Variants in MACROD2 observed in about 807,000 individuals in gnomAD.
The protein encoded by MACROD2 is mono-ADP ribosylhydrolase 2.
Under a neutral mutation model 70.4 loss-of-function variants are expected in MACROD2, and 36 were observed. The observed-to-expected ratio is 0.51, with a 90% CI of 0.39 to 0.68. The LOEUF is 0.68. Ranked by LOEUF, MACROD2 falls within the 30% of genes least tolerant of loss-of-function variation. The pLI is 0.00. For synonymous variants in MACROD2, 172 were observed against 178.8 expected, an observed-to-expected ratio of 0.96 and a Z score of 0.30; for missense variants, 496 against 538.4, an observed-to-expected ratio of 0.92 and a Z score of 0.78.
chr20:14,815,089 T>TGAGAGAG (rs1181962153), intron 5 of MACROD2, among the ~76,000 whole-genome samples: 2 of 151,854 alleles, frequency 1.3e-5, no homozygotes, highest in African/African-American at 4.8e-5. Context: ...GGCCTCAAGG[T>TGAGAGAG]GAGAGAGGAA....
In MACROD2 at chr20:15,850,521, C is replaced by T. The variant is rs575166864; in HGVS notation, c.646-12224C>T. 8.5e-5 allele frequency among the ~76,000 whole-genome samples: 13 copies of T among 152,304 alleles called. No homozygotes were observed. The South Asian group carries it at 2.1e-3, about 24-fold the overall frequency. On this transcript the variant is annotated intron_variant, in intron 8 of 17. Transcript: ENST00000684519. ...GCCACACCTCCAGACTGTGTGGGCC[C>T]GCTTATCTTTTATGGATTTGCTAAC...
intron 6 of MACROD2, among the ~76,000 whole-genome samples, chr20:15,243,269 C>T (rs558080503): frequency 3.3e-5 from 5 of 152,264 alleles, no homozygotes; most frequent in African/African-American, 1.2e-4. Flanking sequence ...TGAGCATGAT[C>T]CTGCTCCAAT....
chr20:14,090,326 G>A (rs1322044882), intron 3 of MACROD2, among the ~76,000 whole-genome samples: 1 of 151,574 alleles, frequency 6.6e-6, no homozygotes, highest in African/African-American at 2.4e-5. Flanking sequence ...TGTAATCCCA[G>A]TACTTTGGGA....
At chr20:14,081,312 A>G (rs2053991480) in intron 2 of MACROD2, among the ~76,000 whole-genome samples, 1 of 152,080 alleles carries the variant, frequency 6.6e-6, no homozygotes, top group Non-Finnish European at 1.5e-5. Context: ...CCTGCTTGTT[A>G]TTGCTGTATT....
chr20:15,580,628 G>A (rs2048510405), intron 8 of MACROD2, among the ~76,000 whole-genome samples: 1 of 152,114 alleles, frequency 6.6e-6, no homozygotes, highest in African/African-American at 2.4e-5. Context: ...TCTCCAAAAT[G>A]TAGTGGCCAA....
rs1569217269 is a variant in MACROD2 at position 14,230,631 on chromosome 20, T to TATATATATATATATA, written c.271+144903_271+144904insATATATATATATATA. Reference sequence around the variant, plus strand: ...ACTTCTTCCAAACTCTCATTCATGTTTATATATATATATATATATATATAA... The same window carrying TATATATATATATATA: ...ACTTCTTCCAAACTCTCATTCATGTTATATATATATATATATATATATATATATATATATATATAA... On this transcript the variant is annotated intron_variant, in intron 3 of 17. Transcript: ENST00000684519. 7.4e-4 allele frequency among the ~76,000 whole-genome samples: 70 copies of TATATATATATATATA among 94,248 alleles called. 1 individual carries two copies. The highest frequency in any genetic ancestry group is 7.3e-4 in the Non-Finnish European group (39 of 53,244). 61.8% of individuals were successfully genotyped at this position (94,248 alleles called of 152,430 possible).
chr20:15,279,144 T>C (rs1399458496), intron 6 of MACROD2, among the ~76,000 whole-genome samples: 1 of 152,214 alleles, frequency 6.6e-6, no homozygotes, highest in East Asian at 1.9e-4. Flanking sequence ...GACTTTAAAA[T>C]ATATTTTCTT....
rs115465798 is a variant in MACROD2 at position 14,845,895 on chromosome 20, C to T, written c.418+160936C>T. Among the ~76,000 whole-genome samples the T allele has an allele frequency of 4.9e-3, 744 of 152,090 alleles. 7 individuals are homozygous for T. The highest frequency in any genetic ancestry group is 0.02 in the Middle Eastern group (6 of 294). On this transcript the variant is annotated intron_variant, in intron 5 of 17. Coordinates refer to ENST00000684519, the MANE Select transcript of MACROD2 (RefSeq NM_001351661.2). ...CGGCATTTTTTAGGAATAATAATAA[C>T]AGAAACAGTTGGCACCATGTAATTG...
chr20:15,323,958 G>A (rs2077899587), intron 6 of MACROD2, among the ~76,000 whole-genome samples: 1 of 151,928 alleles, frequency 6.6e-6, no homozygotes, highest in Non-Finnish European at 1.5e-5. Flanking sequence ...AATAATACAT[G>A]AATAGGATTG....
chr20:15,643,093 T>A (rs1178248570), intron 8 of MACROD2, among the ~76,000 whole-genome samples: 1 of 152,206 alleles, frequency 6.6e-6, no homozygotes, highest in East Asian at 1.9e-4. Flanking sequence ...TGCACTAATT[T>A]TGGATTTGGG....
At chr20:15,106,666 A>G (rs974793839) in intron 5 of MACROD2, among the ~76,000 whole-genome samples, 1 of 152,158 alleles carries the variant, frequency 6.6e-6, no homozygotes, top group African/African-American at 2.4e-5. Flanking sequence ...CACCCCAGAT[A>G]GTGGTTCTTG....
intron 8 of MACROD2, among the ~76,000 whole-genome samples, chr20:15,514,501 G>A (rs1316803722): frequency 6.6e-6 from 1 of 152,194 alleles, no homozygotes; most frequent in Non-Finnish European, 1.5e-5. Flanking sequence ...TAGCTTAGGA[G>A]CAATAGTCTG....
intron 5 of MACROD2, among the ~76,000 whole-genome samples, chr20:14,846,245 G>A (rs2073138682): frequency 6.6e-6 from 1 of 152,028 alleles, no homozygotes; most frequent in African/African-American, 2.4e-5. Context: ...TTGAGACGGA[G>A]TCTCGCACTG....
intron 2 of MACROD2, among the ~76,000 whole-genome samples, chr20:14,042,911 G>A (rs1282708854): frequency 1.3e-5 from 2 of 148,512 alleles, no homozygotes; most frequent in East Asian, 4.0e-4. Context: ...GCAAACCCAG[G>A]TGGTGGGTTT....
chr20:14,972,982 T>C (rs1223361934), intron 5 of MACROD2, among the ~76,000 whole-genome samples: 1 of 152,228 alleles, frequency 6.6e-6, no homozygotes, highest in East Asian at 1.9e-4. Flanking sequence ...GTGATACTTT[T>C]ACACTATTTG....
At chr20:15,811,202 A>C (rs1373495206) in intron 8 of MACROD2, among the ~76,000 whole-genome samples, 4 of 152,092 alleles carry the variant, frequency 2.6e-5, no homozygotes, top group Non-Finnish European at 5.9e-5. Context: ...ACAAAGGGCT[A>C]ATATCCAGAA....
intron 5 of MACROD2, among the ~76,000 whole-genome samples, chr20:15,182,074 C>A (rs1425431491): frequency 6.6e-6 from 1 of 151,966 alleles, no homozygotes. Flanking sequence ...GAATGAAAAT[C>A]TGAAACCAGA....
intron 8 of MACROD2, among the ~76,000 whole-genome samples, chr20:15,651,158 A>G (rs2049637453): frequency 6.6e-6 from 1 of 152,240 alleles, no homozygotes; most frequent in African/African-American, 2.4e-5. Context: ...ATTTCTGCAC[A>G]GCTGGCCCCA....
In MACROD2 at chr20:14,292,098, T is replaced by C. The variant is rs1209251027; in HGVS notation, c.272-201381T>C. On this transcript the variant is annotated intron_variant, in intron 3 of 17. Coordinates refer to ENST00000684519, the MANE Select transcript of MACROD2 (RefSeq NM_001351661.2). ...TACAGGCATCTTGTATTCTTCCCTTTTATCACTCATTCATTGCCTAAAGCT... is the reference window on the plus strand; with the variant it reads ...TACAGGCATCTTGTATTCTTCCCTTCTATCACTCATTCATTGCCTAAAGCT... Among the ~76,000 whole-genome samples, 5 of 152,032 alleles carry C rather than the reference T, an allele frequency of 3.3e-5. No homozygotes were observed. The East Asian group carries it at 9.7e-4, about 29-fold the overall frequency.
Sources: allele counts gnomAD v4.1 joint callset (sites outside exome capture counted in the v4.1 genomes callset), GRCh38; gene constraint gnomAD v4.1.1; transcripts MANE v1.5; gene names NCBI Gene and HGNC (gene_info 2026-07-23, HGNC 2026-07-21).